Variants in SLC24A2 observed in about 807,000 individuals in gnomAD.
SLC24A2 encodes the protein sodium/potassium/calcium exchanger 2.
SLC24A2 carries 36 observed loss-of-function variants against 62.0 expected under a neutral mutation model. The observed-to-expected ratio is 0.58, with a 90% CI of 0.44 to 0.77. The LOEUF (loss-of-function observed/expected upper bound fraction) is 0.77. Among genes scored for constraint, SLC24A2 ranks in the 30% least tolerant of loss-of-function variants. The probability of loss-of-function intolerance (pLI) is 0.00; values close to 1 mark genes in which losing one functional copy is unlikely to be tolerated. For missense variants in SLC24A2, 846 were observed against 817.9 expected (o/e 1.03, Z -0.42); for synonymous variants, 358 against 294.0 (o/e 1.22, Z -2.23).
chr9:19,893,739 A>T, the SLC24A2 span, among the ~76,000 whole-genome samples: 1 of 150,718 alleles, frequency 6.6e-6, no homozygotes. Context: ...ACTGCAAGTG[A>T]CAGGAACACA....
intron 7 of SLC24A2, among the ~76,000 whole-genome samples, chr9:19,552,711 T>G (rs1045720352): frequency 2.0e-5 from 3 of 152,224 alleles, no homozygotes; most frequent in African/African-American, 7.2e-5. Context: ...CAACTCTTTA[T>G]GACTCATATC....
chr9:19,843,744 T>C, the SLC24A2 span, among the ~76,000 whole-genome samples: 1 of 152,164 alleles, frequency 6.6e-6, no homozygotes, highest in Admixed American at 6.5e-5. Flanking sequence ...AGTCAATGTT[T>C]AGCTCTCACT....
At chr9:19,771,827 G>T in intron 2 of SLC24A2, among the ~76,000 whole-genome samples, 1 of 152,242 alleles carries the variant, frequency 6.6e-6, no homozygotes, top group Admixed American at 6.5e-5. Context: ...ATTTTTTACC[G>T]TATATATGGA....
the SLC24A2 span, among the ~76,000 whole-genome samples, chr9:19,796,456 CTCT>C: frequency 6.6e-6 from 1 of 152,174 alleles, no homozygotes; most frequent in African/African-American, 2.4e-5. Flanking sequence ...TTTTCTGTTT[CTCT>C]TCTTTGTGTT....
In SLC24A2 at chr9:19,508,833, A is replaced by G. The variant is rs966302654; in HGVS notation, c.*7320T>C. ...ATATAAAAATTTGTGATGAAGTTGA[A>G]ACATTAAAGTTTTTAGTTGTGGGGA... On this transcript the variant is annotated 3_prime_UTR_variant, in exon 11 of 11. Transcript: ENST00000341998. The G allele has an allele frequency of 6.6e-6, 1 of 152,158 alleles. No homozygotes were observed. Among genetic ancestry groups the G allele is most frequent in the Non-Finnish European group, 1.5e-5 (1 of 68,038 alleles). The allele number at this position is 152,158 out of a possible 1,614,324, so 9.4% of individuals were successfully genotyped here.
chr9:19,804,352 G>A, the SLC24A2 span, among the ~76,000 whole-genome samples: 1 of 151,868 alleles, frequency 6.6e-6, no homozygotes, highest in African/African-American at 2.4e-5. Context: ...TATACTATTT[G>A]TGCATATTTA....
At chr9:20,286,117 G>A in the SLC24A2 span, among the ~76,000 whole-genome samples, 1 of 152,190 alleles carries the variant, frequency 6.6e-6, no homozygotes, top group Non-Finnish European at 1.5e-5. Flanking sequence ...CCTGCACTGA[G>A]CTATGCATTT....
chr9:19,783,336 T>G (rs1458914738), intron 2 of SLC24A2, among the ~76,000 whole-genome samples: 1 of 152,240 alleles, frequency 6.6e-6, no homozygotes. Flanking sequence ...TGACTTTGCA[T>G]GAAAACATGC....
rs116935497 is a variant in SLC24A2, at chr9:19,533,315, G to A, written c.1480-5177C>T. On this transcript the variant is annotated intron_variant, in intron 8 of 10. Coordinates refer to ENST00000341998, the MANE Select transcript of SLC24A2 (RefSeq NM_020344.4). ...AATTTTTCCCCTCTCTTTCCTCTCC[G>A]TATGTATTTTCTCAAGAGGTCCCTG... Among the ~76,000 whole-genome samples the A allele has an allele frequency of 4.4e-3, 667 of 152,236 alleles. 3 individuals are homozygous for A. The highest frequency in any genetic ancestry group is 7.0e-3 in the Non-Finnish European group (477 of 68,022).
At chr9:19,572,833 G>A (rs1351842675) in intron 7 of SLC24A2, among the ~76,000 whole-genome samples, 1 of 152,204 alleles carries the variant, frequency 6.6e-6, no homozygotes, top group Non-Finnish European at 1.5e-5. Context: ...GCCAGAGAGT[G>A]TTAATTTCAA....
At chr9:20,001,971 A>G in the SLC24A2 span, among the ~76,000 whole-genome samples, 1 of 152,292 alleles carries the variant, frequency 6.6e-6, no homozygotes, top group South Asian at 2.1e-4. Context: ...TGTTTATGTG[A>G]GTTTAATACA....
chr9:19,658,691 G>T (rs1191697339), intron 2 of SLC24A2, among the ~76,000 whole-genome samples: 1 of 152,164 alleles, frequency 6.6e-6, no homozygotes, highest in East Asian at 1.9e-4. Flanking sequence ...ATGATATCCT[G>T]CCCTGGGGCT....
chr9:19,616,152 C>A (rs553013312), intron 4 of SLC24A2, among the ~76,000 whole-genome samples: 1 of 152,136 alleles, frequency 6.6e-6, no homozygotes, highest in African/African-American at 2.4e-5. Flanking sequence ...AGGAAGAAGA[C>A]ATTTTTTTTC....
chr9:20,130,220 A>T, the SLC24A2 span, among the ~76,000 whole-genome samples: 1 of 152,124 alleles, frequency 6.6e-6, no homozygotes, highest in Admixed American at 6.6e-5. Flanking sequence ...GACACTGAAG[A>T]TACCACAGAG....
chr9:20,017,589 C>G, the SLC24A2 span, among the ~76,000 whole-genome samples: 1 of 152,118 alleles, frequency 6.6e-6, no homozygotes, highest in Non-Finnish European at 1.5e-5. Flanking sequence ...AATCTGCAAG[C>G]TGAGGAGCAA....
chr9:20,187,224 G>A, the SLC24A2 span, among the ~76,000 whole-genome samples: 11 of 152,012 alleles, frequency 7.2e-5, no homozygotes, highest in Non-Finnish European at 1.0e-4. Context: ...CCTCAAATAT[G>A]GCATTGTTTT....
At chr9:20,209,733 A>T in the SLC24A2 span, among the ~76,000 whole-genome samples, 1 of 151,930 alleles carries the variant, frequency 6.6e-6, no homozygotes. Context: ...CCGACCACAA[A>T]CCCCCTCAAA....
At chr9:19,806,395 G>C in the SLC24A2 span, among the ~76,000 whole-genome samples, 1 of 152,144 alleles carries the variant, frequency 6.6e-6, no homozygotes, top group East Asian at 1.9e-4. Context: ...TCAAAGAATG[G>C]AAATCAATGC....
At chr9:19,704,458 C>T (rs370879038) in intron 2 of SLC24A2, among the ~76,000 whole-genome samples, 26 of 152,208 alleles carry the variant, frequency 1.7e-4, no homozygotes, top group African/African-American at 5.5e-4. Context: ...AAAATACCAA[C>T]AGTGGTGGAA....
Sources: allele counts gnomAD v4.1 joint callset (sites outside exome capture counted in the v4.1 genomes callset), GRCh38; gene constraint gnomAD v4.1.1; transcripts MANE v1.5; gene names NCBI Gene and HGNC (gene_info 2026-07-23, HGNC 2026-07-21).